The following STXBP3 variants were observed in gnomAD, a reference collection of about 807,000 sequenced individuals.
The protein encoded by STXBP3 is syntaxin binding protein 3, also known as syntaxin-binding protein 3.
Under a neutral mutation model 85.7 loss-of-function variants are expected in STXBP3, and 41 were observed. The ratio of observed to expected loss-of-function variants is 0.48; its 90% CI spans 0.37 to 0.62. The LOEUF is 0.62. Ranked by LOEUF, STXBP3 falls within the 20% of genes least tolerant of loss-of-function variation. The probability of loss-of-function intolerance (pLI) is 0.00; values close to 1 mark genes in which losing one functional copy is unlikely to be tolerated. For synonymous variants in STXBP3, 229 were observed against 231.7 expected, an observed-to-expected ratio of 0.99 and a Z score of 0.10; for missense variants, 563 against 703.1, an observed-to-expected ratio of 0.80 and a Z score of 2.25.
intron 11 of STXBP3, among the ~76,000 whole-genome samples, chr1:108,790,631 T>C (rs1662954612): frequency 6.6e-6 from 1 of 152,048 alleles, no homozygotes; most frequent in African/African-American, 2.4e-5. Flanking sequence ...TTTTATATTC[T>C]ATTCTTTTCC....
chr1:108,770,596 CTG>C (rs1229327070), intron 6 of STXBP3, among the ~76,000 whole-genome samples: 2 of 152,112 alleles, frequency 1.3e-5, no homozygotes, highest in African/African-American at 4.8e-5. Context: ...AAATGAATAA[CTG>C]TGTGTAAAAG....
chr1:108,752,153 T>G, intron 1 of STXBP3, 104 bp from the exon 2 acceptor site: 1 of 1,036,356 alleles, frequency 9.6e-7, no homozygotes, highest in Non-Finnish European at 1.4e-6. Context: ...TTTATGTAGT[T>G]TAACAAATTT....
intron 17 of STXBP3, among the ~76,000 whole-genome samples, chr1:108,802,300 G>A (rs1277033): frequency 0.29 from 43,662 of 151,964 alleles, 7,239 homozygotes; most frequent in East Asian, 0.77. Flanking sequence ...AGGAGGCTGA[G>A]GCAGGAGAAT....
chr1:108,803,770 G>A (rs942560341), intron 17 of STXBP3, among the ~76,000 whole-genome samples: 29 of 152,178 alleles, frequency 1.9e-4, no homozygotes, highest in Non-Finnish European at 3.8e-4. Context: ...ACAGGTGTGC[G>A]CCACTACGCC....
Position 108,753,099 on chromosome 1 carries a change from G to T in STXBP3, c.136G>T (p.Ala46Ser). Residue 46 changes from alanine (A) to serine (S), a missense_variant, in exon 3 of 19, where the codon GCA (alanine) becomes TCA (serine). By Grantham distance (99) the Ala-to-Ser change is moderately conservative (BLOSUM62 1). This residue lies in a region of STXBP3 where 32 missense variants were observed against 70.6 expected (regional missense o/e 0.45). Coordinates refer to ENST00000370008, the MANE Select transcript of STXBP3 (RefSeq NM_007269.4). ...LLDEFTTKLL[A>S]SCCKMTDLLE... Reference sequence around the variant, plus strand: ...AGATGAATTTACCACTAAGCTTTTGGCATCGTGTTGCAAAATGACAGATCT... The same window carrying T: ...AGATGAATTTACCACTAAGCTTTTGTCATCGTGTTGCAAAATGACAGATCT... The T allele has an allele frequency of 6.3e-7, 1 of 1,584,020 alleles. No individual in the cohort carries two copies. The highest frequency in any genetic ancestry group is 8.6e-7 in the Non-Finnish European group (1 of 1,166,742).
At chr1:108,749,994 AT>A (rs1661867843) in intron 1 of STXBP3, among the ~76,000 whole-genome samples, 1 of 152,154 alleles carries the variant, frequency 6.6e-6, no homozygotes. Flanking sequence ...CTTACAGGAT[AT>A]CTCAGTTCAG....
At chr1:108,795,527 G>C (rs1201449265) in intron 13 of STXBP3, among the ~76,000 whole-genome samples, 1 of 151,290 alleles carries the variant, frequency 6.6e-6, no homozygotes, top group Non-Finnish European at 1.5e-5. Flanking sequence ...TTGACAACCT[G>C]ATGTATTCAA....
At chr1:108,772,497 CTATCTA>C (rs1318019740) in intron 6 of STXBP3, among the ~76,000 whole-genome samples, 162 bp from the exon 7 acceptor site, 1 of 136,438 alleles carries the variant, frequency 7.3e-6, no homozygotes, top group African/African-American at 2.9e-5. Context: ...TACATGATAT[CTATCTA>C]TATATAATAT....
chr1:108,808,625 T>G (rs1288344864), intron 18 of STXBP3, among the ~76,000 whole-genome samples, 158 bp from the exon 19 acceptor site: 1 of 152,254 alleles, frequency 6.6e-6, no homozygotes, highest in Non-Finnish European at 1.5e-5. Context: ...ATTGAAATAT[T>G]GCAGCATAGG....
intron 2 of STXBP3, among the ~76,000 whole-genome samples, chr1:108,752,634 G>C (rs555305946): frequency 6.6e-6 from 1 of 152,258 alleles, no homozygotes; most frequent in South Asian, 2.1e-4. Flanking sequence ...CCTTGCACAA[G>C]TTACTTGACC....
chr1:108,765,548 T>C (rs1434101728), intron 6 of STXBP3, among the ~76,000 whole-genome samples: 1 of 147,310 alleles, frequency 6.8e-6, no homozygotes, highest in African/African-American at 2.5e-5. Flanking sequence ...GAAAATGTCA[T>C]GGTAAAAAGC....
chr1:108,753,189 G>C (rs1661941263), intron 3 of STXBP3, 45 bp downstream of exon 3: 1 of 1,338,570 alleles, frequency 7.5e-7, no homozygotes, highest in African/African-American at 1.5e-5. Context: ...TGTAATTGGG[G>C]GAGATCTGAG....
At chr1:108,798,294 A>G (rs1663156756) in intron 16 of STXBP3, 57 bp downstream of exon 16, 2 of 1,411,390 alleles carry the variant, frequency 1.4e-6, no homozygotes, top group Non-Finnish European at 9.9e-7. Context: ...AGTATTCTTT[A>G]CTTTTTGTAG....
rs377759517 is a variant in STXBP3, at chr1:108,747,884, C to G, written c.49+1098C>G. 3.2e-4 allele frequency among the ~76,000 whole-genome samples: 49 copies of G among 152,262 alleles called. No individual in the cohort carries two copies. The East Asian group carries it at 8.3e-3, about 26-fold the overall frequency. ...GCTTTTTCAAGATTTACATGGCTGA[C>G]TTAAGATTTGAGATGTTTTAAAACA... On this transcript the variant is annotated intron_variant, in intron 1 of 18. Coordinates refer to ENST00000370008, the MANE Select transcript of STXBP3 (RefSeq NM_007269.4).
chr1:108,789,872 C>A (rs897356865), intron 11 of STXBP3, among the ~76,000 whole-genome samples: 1 of 151,920 alleles, frequency 6.6e-6, no homozygotes, highest in Non-Finnish European at 1.5e-5. Context: ...TCAAGACCAG[C>A]CTGGCCAACA....
rs1461433796 is a variant in STXBP3 at position 108,752,693 on chromosome 1, C to A, written c.100-370C>A. Among the ~76,000 whole-genome samples the A allele has an allele frequency of 2.0e-5, 3 of 152,158 alleles. No homozygotes were observed. In the East Asian group the frequency reaches 5.8e-4, roughly 29 times the overall value. On this transcript the variant is annotated intron_variant, in intron 2 of 18. Coordinates refer to ENST00000370008, the MANE Select transcript of STXBP3 (RefSeq NM_007269.4). ...TATAAAAATGGTGATGGTAATACCT[C>A]ATATGGTAATTGTAAATATGAGGTG...
chr1:108,785,706 C>T (rs1339441628), intron 11 of STXBP3, among the ~76,000 whole-genome samples: 2 of 152,122 alleles, frequency 1.3e-5, no homozygotes, highest in Non-Finnish European at 2.9e-5. Flanking sequence ...TCTGTCACCT[C>T]TTGAATAAAT....
At chr1:108,778,691 T>TA (rs72412064) in intron 8 of STXBP3, among the ~76,000 whole-genome samples, 1 of 13,500 alleles carries the variant, frequency 7.4e-5, no homozygotes, top group African/African-American at 5.0e-4. Flanking sequence ...ATTCATAATT[T>TA]AAGTTTTAGT....
chr1:108,791,363 C>A (rs1055384222), intron 11 of STXBP3, among the ~76,000 whole-genome samples: 1 of 152,086 alleles, frequency 6.6e-6, no homozygotes, highest in African/African-American at 2.4e-5. Flanking sequence ...GTTTGCTGAG[C>A]TTCTTGAGTC....
Sources: allele counts gnomAD v4.1 joint callset (sites outside exome capture counted in the v4.1 genomes callset), GRCh38; gene constraint gnomAD v4.1.1; regional missense constraint gnomAD v4.1.1; transcripts MANE v1.5; gene names NCBI Gene and HGNC (gene_info 2026-07-23, HGNC 2026-07-21).